TAF4: variants seen among roughly 807,000 people sequenced by gnomAD.
The protein encoded by TAF4 is TATA-box binding protein associated factor 4, also known as transcription initiation factor TFIID subunit 4.
A neutral mutation model predicts 90.3 loss-of-function variants in TAF4; 9 were observed. The observed-to-expected ratio is 0.10, with a 90% CI of 0.06 to 0.17. The LOEUF is 0.17. Among genes scored for constraint, TAF4 ranks in the 10% least tolerant of loss-of-function variants. The probability of loss-of-function intolerance (pLI) is 1.00; values close to 1 mark genes in which losing one functional copy is unlikely to be tolerated. For synonymous variants in TAF4, 818 were observed against 638.9 expected, an observed-to-expected ratio of 1.28 and a Z score of -4.23; for missense variants, 1,351 against 1,370.7, an observed-to-expected ratio of 0.99 and a Z score of 0.23.
At chr20:62,064,181 C>T in intron 1 of TAF4, 2 of 379,016 alleles carry the variant, frequency 5.3e-6, no homozygotes, top group Non-Finnish European at 9.3e-6. Flanking sequence ...GGCTGAGCCA[C>T]TCCGAAACAG....
At position 62,000,717 on chromosome 20, in the gene TAF4, C is replaced by T; in HGVS notation, c.2491G>A (p.Asp831Asn). The change falls in exon 10 of 15, where the codon GAT becomes AAT. Residue 831 changes from aspartate (D) to asparagine (N), a missense_variant. Physicochemically the swap from Asp to Asn is conservative, Grantham distance 23. This residue lies in a region of TAF4 where 6 missense variants were observed against 28.0 expected (regional missense o/e 0.21). Coordinates refer to ENST00000252996, the MANE Select transcript of TAF4 (RefSeq NM_003185.4). The part of the protein sequence containing the change: ...KEPGGGSFRD[D>N]DDINDVASMA... ...GATGCAACATCATTAATGTCATCAT[C>T]GTCCCTTGAGGAAAGAAGGGAAGAT... 2.5e-6 allele frequency: 4 copies of T among 1,614,162 alleles called. No individual in the cohort carries two copies. Among genetic ancestry groups the T allele is most frequent in the Non-Finnish European group, 3.4e-6 (4 of 1,180,014 alleles).
intron 1 of TAF4, among the ~76,000 whole-genome samples, chr20:62,018,667 G>C (rs1343224790): frequency 6.6e-6 from 1 of 152,224 alleles, no homozygotes; most frequent in Non-Finnish European, 1.5e-5. Flanking sequence ...CCCCACCCAG[G>C]TCTTTGTGAG....
At chr20:62,063,614 G>C (rs892602156) in intron 1 of TAF4, among the ~76,000 whole-genome samples, 1 of 152,134 alleles carries the variant, frequency 6.6e-6, no homozygotes, top group African/African-American at 2.4e-5. Context: ...AGCATAGCCA[G>C]TATCGCCCCG....
chr20:62,017,936 A>G (rs544693521), intron 1 of TAF4, among the ~76,000 whole-genome samples: 1 of 152,386 alleles, frequency 6.6e-6, no homozygotes, highest in South Asian at 2.1e-4. Context: ...TAACAAAATA[A>G]AAGTGGCATT....
rs1212980736 is a variant in TAF4, at chr20:62,064,756, T to G, written c.1055A>C (p.Gln352Pro). The change falls in exon 1 of 15, where the codon CAG becomes CCG. Residue 352 changes from glutamine to proline, a missense_variant. This residue lies in a region of TAF4 where 782 missense variants were observed against 536.6 expected (regional missense o/e 1.46). Coordinates refer to ENST00000252996, the MANE Select transcript of TAF4 (RefSeq NM_003185.4). ...VKAESPKRVV[Q>P]AAPPAAQTLA... ...GGTCTGCGCCGCCGGGGGCGCCGCC[T>G]GCACCACCCTCTTGGGCGACTCGGC... is the stretch of plus-strand genomic sequence containing the variant. The G allele has an allele frequency of 9.5e-6, 11 of 1,157,734 alleles. No homozygotes were observed. The highest frequency in any genetic ancestry group is 1.2e-5 in the Non-Finnish European group (11 of 945,160). 71.7% of individuals were successfully genotyped at this position (1,157,734 alleles called of 1,614,324 possible).
At chr20:62,030,541 C>T (rs1175272734) in intron 1 of TAF4, among the ~76,000 whole-genome samples, 2 of 152,224 alleles carry the variant, frequency 1.3e-5, no homozygotes, top group Non-Finnish European at 2.9e-5. Context: ...CCTGTCGTGC[C>T]TCGAAGCACA....
intron 1 of TAF4, among the ~76,000 whole-genome samples, chr20:62,015,346 G>C (rs1353779028): frequency 1.3e-5 from 2 of 152,252 alleles, no homozygotes; most frequent in Non-Finnish European, 1.5e-5. Context: ...CCACAGGAAA[G>C]CAAATCCTGC....
intron 1 of TAF4, among the ~76,000 whole-genome samples, chr20:62,056,848 T>C (rs143600904): frequency 6.6e-6 from 1 of 152,278 alleles, no homozygotes; most frequent in Non-Finnish European, 1.5e-5. Flanking sequence ...TTGAAGTAAC[T>C]AATAATTTTT....
chr20:62,013,906 G>GGTGTGTGTGT (rs56801841), intron 2 of TAF4, among the ~76,000 whole-genome samples: 66 of 107,406 alleles, frequency 6.1e-4, no homozygotes, highest in Middle Eastern at 5.0e-3. Context: ...GGCTGACGCG[G>GGTGTGTGTGT]GTGTGTGTGT....
In TAF4 at chr20:61,976,079, G is replaced by A. The variant is rs1419353811; in HGVS notation, c.*89C>T. 1 of 1,389,032 alleles carries A rather than the reference G, an allele frequency of 7.2e-7. No individual in the cohort carries two copies. The allele number at this position is 1,389,032 out of a possible 1,614,324, so 86.0% of individuals were successfully genotyped here. On this transcript the variant is annotated 3_prime_UTR_variant, in exon 15 of 15. Coordinates refer to ENST00000252996, the MANE Select transcript of TAF4 (RefSeq NM_003185.4). ...TATAAAACTGTTCCATTGTAAAGAG[G>A]TGGCTGTTTTTTAAACAATATCCCA...
chr20:62,046,091 C>CATTGGG (rs939178653), intron 1 of TAF4, among the ~76,000 whole-genome samples: 1 of 152,222 alleles, frequency 6.6e-6, no homozygotes. Context: ...AGACGGCAGA[C>CATTGGG]ATTGGGATTG....
chr20:62,021,606 C>T (rs1237248548), intron 1 of TAF4, among the ~76,000 whole-genome samples: 9 of 152,224 alleles, frequency 5.9e-5, no homozygotes, highest in East Asian at 1.9e-4. Context: ...GGCAGCCAGA[C>T]GGTCGCTAGC....
intron 1 of TAF4, among the ~76,000 whole-genome samples, chr20:62,031,995 C>T (rs555272695): frequency 6.6e-6 from 1 of 152,172 alleles, no homozygotes; most frequent in Non-Finnish European, 1.5e-5. Flanking sequence ...CCCTCCTTTC[C>T]TCAGAGCTCC....
intron 1 of TAF4, among the ~76,000 whole-genome samples, chr20:62,017,607 G>A (rs1393398259): frequency 2.6e-5 from 4 of 152,068 alleles, no homozygotes; most frequent in Admixed American, 6.6e-5. Flanking sequence ...AGATCGTGCC[G>A]CTGCACTCCA....
At chr20:62,063,705 G>C (rs1346746705) in intron 1 of TAF4, among the ~76,000 whole-genome samples, 1 of 152,218 alleles carries the variant, frequency 6.6e-6, no homozygotes, top group Non-Finnish European at 1.5e-5. Context: ...AGAGTAGCTA[G>C]GCGCTCCTTC....
chr20:62,013,909 GTGTGTGTGTGT>G (rs2055794972), intron 2 of TAF4, among the ~76,000 whole-genome samples: 1 of 79,076 alleles, frequency 1.3e-5, no homozygotes. Context: ...TGACGCGGGT[GTGTGTGTGTGT>G]GTGTGTGTGT....
intron 1 of TAF4, among the ~76,000 whole-genome samples, chr20:62,059,331 T>C (rs1400661894): frequency 6.6e-6 from 1 of 152,266 alleles, no homozygotes; most frequent in Admixed American, 6.5e-5. Context: ...TGTACATCTT[T>C]GGTGCAAATG....
rs558062836 is a variant in TAF4, at chr20:62,016,165, G to A, written c.1361-1458C>T. 3.5e-4 allele frequency among the ~76,000 whole-genome samples: 53 copies of A among 152,330 alleles called. 1 individual carries two copies. Among genetic ancestry groups the A allele is most frequent in the African/African-American group, 1.2e-3 (48 of 41,582 alleles). ...GGCCGCCAGAGCTGCTGCGCGTAAC[G>A]AGGGAGAGTTCCACTCTCACCCAAG... is the stretch of plus-strand genomic sequence containing the variant. On this transcript the variant is annotated intron_variant, in intron 1 of 14. Transcript: ENST00000252996.
At chr20:61,989,773 C>T (rs6089587) in intron 14 of TAF4, among the ~76,000 whole-genome samples, 89,909 of 149,300 alleles carry the variant, frequency 0.6, 27,706 homozygotes, top group Middle Eastern at 0.76. Context: ...CTGGCATCCA[C>T]AGCACTGCAG....
Sources: allele counts gnomAD v4.1 joint callset (sites outside exome capture counted in the v4.1 genomes callset), GRCh38; gene constraint gnomAD v4.1.1; regional missense constraint gnomAD v4.1.1; transcripts MANE v1.5; gene names NCBI Gene and HGNC (gene_info 2026-07-23, HGNC 2026-07-21).